Variants in LPP observed in about 807,000 individuals in gnomAD.
The protein encoded by LPP is LIM domain containing preferred translocation partner in lipoma, also known as lipoma-preferred partner.
In LPP, 38 loss-of-function variants were observed where a neutral mutation model predicts 60.4. The ratio of observed to expected loss-of-function variants is 0.63; its 90% confidence interval spans 0.49 to 0.83. LPP has a LOEUF of 0.83. Ranked by LOEUF, LPP falls within the 40% of genes least tolerant of loss-of-function variation. The pLI is 0.00. For missense variants in LPP, 902 were observed against 783.6 expected (o/e 1.15, Z -1.80); for synonymous variants, 328 against 290.8 (o/e 1.13, Z -1.30).
Position 188,639,590 on chromosome 3 carries a change from T to C in LPP, c.1113+29746T>C, listed in dbSNP as rs772961544. 6.3e-3 allele frequency among the ~76,000 whole-genome samples: 941 copies of C among 148,526 alleles called. 3 individuals are homozygous for C. Among genetic ancestry groups the C allele is most frequent in the South Asian group, 0.019 (88 of 4,590 alleles). On this transcript the variant is annotated intron_variant, in intron 7 of 11. Transcript: ENST00000617246. ...CAGAGTGAACAGGCAACCTACAAAA[T>C]GGGAGAAAATTTTCGCAACCTACTC...
intron 4 of LPP, among the ~76,000 whole-genome samples, chr3:188,438,991 C>T (rs1793074654): frequency 6.6e-6 from 1 of 152,046 alleles, no homozygotes; most frequent in African/African-American, 2.4e-5. Flanking sequence ...GTAGTTAGTG[C>T]AGAGTATGTA....
chr3:188,177,324 T>A (rs1050595961), intron 1 of LPP, among the ~76,000 whole-genome samples: 2 of 152,140 alleles, frequency 1.3e-5, no homozygotes, highest in African/African-American at 4.8e-5. Context: ...TGGATACCAG[T>A]CTTGGAGCAT....
intron 2 of LPP, among the ~76,000 whole-genome samples, chr3:188,243,499 T>A (rs1725729675): frequency 1.3e-5 from 2 of 152,236 alleles, no homozygotes; most frequent in African/African-American, 4.8e-5. Context: ...TTTGAAAAGC[T>A]TGCACGGAAA....
At chr3:188,518,982 G>T (rs540695008) in intron 5 of LPP, among the ~76,000 whole-genome samples, 1 of 151,892 alleles carries the variant, frequency 6.6e-6, no homozygotes, top group Non-Finnish European at 1.5e-5. Context: ...AATCGTTAAC[G>T]TATTAGGCAA....
chr3:188,440,874 C>T lies in LPP; in HGVS notation c.193+34561C>T, dbSNP rs752851662. 6.6e-4 allele frequency among the ~76,000 whole-genome samples: 101 copies of T among 151,920 alleles called. 1 individual carries two copies. Among genetic ancestry groups the T allele is most frequent in the Non-Finnish European group, 4.6e-4 (31 of 67,960 alleles). On this transcript the variant is annotated intron_variant, in intron 4 of 11. Transcript: ENST00000617246. Reference sequence around the variant, plus strand: ...CTTTGCATAAAGAAAGGCAACAGAGCAACTGCAAAATTGCTGGGATTAAAA... The same window carrying T: ...CTTTGCATAAAGAAAGGCAACAGAGTAACTGCAAAATTGCTGGGATTAAAA...
At chr3:188,192,002 G>A (rs888282913) in intron 1 of LPP, among the ~76,000 whole-genome samples, 1 of 152,092 alleles carries the variant, frequency 6.6e-6, no homozygotes, top group Non-Finnish European at 1.5e-5. Flanking sequence ...AATTGGGATG[G>A]TGTTAGGACA....
At chr3:188,760,444 G>GCGCA (rs1731925724) in intron 9 of LPP, among the ~76,000 whole-genome samples, 162 bp downstream of exon 9, 1 of 151,868 alleles carries the variant, frequency 6.6e-6, no homozygotes, top group African/African-American at 2.4e-5. Context: ...GTGCGTGCGC[G>GCGCA]CATGTAAATT....
intron 6 of LPP, 97 bp downstream of exon 6, chr3:188,524,884 C>A: frequency 9.2e-6 from 2 of 218,332 alleles, no homozygotes; most frequent in Non-Finnish European, 1.3e-5. Context: ...TTTCCCCTTC[C>A]TTCCTTCCGT....
chr3:188,441,777 C>A (rs529925682), intron 4 of LPP, among the ~76,000 whole-genome samples: 1 of 151,484 alleles, frequency 6.6e-6, no homozygotes, highest in Non-Finnish European at 1.5e-5. Context: ...CCCGCCACCA[C>A]GCCCGGCTAA....
At chr3:188,564,974 G>A (rs1218012414) in intron 6 of LPP, among the ~76,000 whole-genome samples, 2 of 151,854 alleles carry the variant, frequency 1.3e-5, no homozygotes, top group Admixed American at 6.6e-5. Context: ...TGTGTCTCTG[G>A]CTTTTGCTCC....
chr3:188,548,865 A>G (rs1050561558), intron 6 of LPP, among the ~76,000 whole-genome samples: 6 of 152,204 alleles, frequency 3.9e-5, no homozygotes, highest in African/African-American at 9.6e-5. Context: ...CTATCAAGTG[A>G]GATGGATCCT....
At chr3:188,635,384 A>G (rs1200169088) in intron 7 of LPP, among the ~76,000 whole-genome samples, 1 of 152,202 alleles carries the variant, frequency 6.6e-6, no homozygotes, top group African/African-American at 2.4e-5. Flanking sequence ...TGGGGCATAA[A>G]TCTCACGAGA....
intron 4 of LPP, among the ~76,000 whole-genome samples, chr3:188,436,665 G>A (rs1237275277): frequency 6.6e-6 from 1 of 152,192 alleles, no homozygotes; most frequent in Non-Finnish European, 1.5e-5. Context: ...GGCTTTTGGT[G>A]AGATTTTAAA....
chr3:188,864,467 C>A (rs879862004), intron 9 of LPP, among the ~76,000 whole-genome samples: 7 of 152,148 alleles, frequency 4.6e-5, no homozygotes, highest in Non-Finnish European at 7.3e-5. Context: ...AAATTAAAGT[C>A]TGGTAGAGGA....
chr3:188,701,738 G>A (rs1254774), intron 7 of LPP, among the ~76,000 whole-genome samples: 75,719 of 151,218 alleles, frequency 0.5, 20,080 homozygotes, highest in Non-Finnish European at 0.62. Context: ...AGAATGCCAC[G>A]ATATCTGGCT....
intron 5 of LPP, among the ~76,000 whole-genome samples, chr3:188,509,421 C>T (rs1360865141): frequency 2.0e-5 from 3 of 152,092 alleles, no homozygotes; most frequent in African/African-American, 7.2e-5. Flanking sequence ...TCTATCTTAA[C>T]CTGGTTAGGC....
intron 3 of LPP, among the ~76,000 whole-genome samples, chr3:188,397,276 T>C (rs1284906906): frequency 6.6e-6 from 1 of 152,242 alleles, no homozygotes; most frequent in Non-Finnish European, 1.5e-5. Context: ...TAAGTTTCTT[T>C]AGCTTCTCTA....
intron 8 of LPP, 147 bp from the exon 9 acceptor site, chr3:188,759,966 G>T (rs1208404912): frequency 4.7e-6 from 3 of 643,172 alleles, no homozygotes; most frequent in Non-Finnish European, 8.3e-6. Context: ...TCTTGCTGGG[G>T]TAATGGGGTA....
At chr3:188,740,770 C>G (rs1392491428) in intron 8 of LPP, among the ~76,000 whole-genome samples, 1 of 151,884 alleles carries the variant, frequency 6.6e-6, no homozygotes, top group Non-Finnish European at 1.5e-5. Context: ...TAGTGAAACA[C>G]TTAAGTTTGA....
Sources: allele counts gnomAD v4.1 joint callset (sites outside exome capture counted in the v4.1 genomes callset), GRCh38; gene constraint gnomAD v4.1.1; transcripts MANE v1.5; gene names NCBI Gene and HGNC (gene_info 2026-07-23, HGNC 2026-07-21).